The following PDE4B variants were observed in gnomAD, a reference collection of about 807,000 sequenced individuals.
The protein encoded by PDE4B is 3',5'-cyclic-AMP phosphodiesterase 4B.
In PDE4B, 20 loss-of-function variants were observed where a neutral mutation model predicts 82.2. The ratio of observed to expected loss-of-function variants is 0.24; its 90% CI spans 0.17 to 0.35. The LOEUF is 0.35. PDE4B is among the 10% of genes least tolerant of loss of function. The pLI is 1.00. For synonymous variants in PDE4B, 320 were observed against 318.9 expected (o/e 1.00, Z -0.04); for missense variants, 655 against 907.2 (o/e 0.72, Z 3.57).
intron 3 of PDE4B, among the ~76,000 whole-genome samples, chr1:66,132,462 C>T (rs74084632): frequency 0.017 from 2,521 of 152,104 alleles, 64 homozygotes; most frequent in African/African-American, 0.058. Context: ...GTTCGTGCTC[C>T]GTATTTTGTG....
intron 3 of PDE4B, among the ~76,000 whole-genome samples, chr1:66,215,976 C>T (rs1650423701): frequency 6.6e-6 from 1 of 151,896 alleles, no homozygotes. Context: ...GAATGTAGTT[C>T]CAAAACTGAA....
intron 3 of PDE4B, among the ~76,000 whole-genome samples, chr1:66,162,212 T>C (rs1000351279): frequency 5.4e-5 from 8 of 149,484 alleles, no homozygotes; most frequent in Non-Finnish European, 1.0e-4. Flanking sequence ...AGGGATGTTC[T>C]CCCTCCTCAC....
intron 3 of PDE4B, among the ~76,000 whole-genome samples, chr1:66,212,823 AAGG>A (rs1193390410): frequency 6.6e-6 from 1 of 152,194 alleles, no homozygotes; most frequent in Admixed American, 6.6e-5. Flanking sequence ...GCACAATAAC[AAGG>A]ATAAAGTGGA....
At position 65,832,956 on chromosome 1, in the gene PDE4B, G is replaced by A. The variant is rs151022230; in HGVS notation, c.-71+39708G>A. Reference sequence around the variant, plus strand: ...TCTACTCTTGAGCTCAGGGAATATAGCCCTTCTGTGCCTCTTCTTTAAAGT... The same window carrying A: ...TCTACTCTTGAGCTCAGGGAATATAACCCTTCTGTGCCTCTTCTTTAAAGT... On this transcript the variant is annotated intron_variant, in intron 1 of 16. Transcript: ENST00000341517. Among the ~76,000 whole-genome samples the A allele has an allele frequency of 2.0e-5, 3 of 152,302 alleles. No individual in the cohort carries two copies. The East Asian group carries it at 5.8e-4, about 29-fold the overall frequency.
At chr1:66,296,313 G>A (rs1157547765) in intron 7 of PDE4B, among the ~76,000 whole-genome samples, 12 of 152,174 alleles carry the variant, frequency 7.9e-5, no homozygotes, top group Non-Finnish European at 1.8e-4. Context: ...GCACGTGATA[G>A]GGAGTGGGCT....
chr1:65,848,651 G>A (rs1259625968), intron 1 of PDE4B, among the ~76,000 whole-genome samples: 1 of 152,070 alleles, frequency 6.6e-6, no homozygotes, highest in Non-Finnish European at 1.5e-5. Flanking sequence ...ATACTCTTTT[G>A]TGGCTGGCCT....
At position 66,039,463 on chromosome 1, in the gene PDE4B, C is replaced by A. The variant is rs561645158; in HGVS notation, c.281+120628C>A. ...TTATTCAGTTTCAGAATAATACATA[C>A]CAAAATATGTTGTGTTTTCCCATTC... is the stretch of plus-strand genomic sequence containing the variant. On this transcript the variant is annotated intron_variant, in intron 3 of 16. Coordinates refer to ENST00000341517, the MANE Select transcript of PDE4B (RefSeq NM_002600.4). 9.3e-4 allele frequency among the ~76,000 whole-genome samples: 141 copies of A among 152,066 alleles called. 1 individual carries two copies. Among genetic ancestry groups the A allele is most frequent in the African/African-American group, 3.3e-3 (135 of 41,520 alleles).
intron 3 of PDE4B, among the ~76,000 whole-genome samples, chr1:65,919,143 A>G (rs1647195323): frequency 6.6e-6 from 1 of 152,226 alleles, no homozygotes; most frequent in African/African-American, 2.4e-5. Context: ...AGAGCTATAC[A>G]GTGTGCATCA....
chr1:65,848,920 G>T (rs1646298326), intron 1 of PDE4B, among the ~76,000 whole-genome samples: 1 of 151,996 alleles, frequency 6.6e-6, no homozygotes, highest in African/African-American at 2.4e-5. Flanking sequence ...GTCCAATCAA[G>T]AGACAGGAAC....
intron 1 of PDE4B, among the ~76,000 whole-genome samples, chr1:65,833,101 AT>A (rs1346475612): frequency 1.3e-5 from 2 of 152,200 alleles, no homozygotes; most frequent in Non-Finnish European, 2.9e-5. Context: ...AGATTTAAGG[AT>A]GATTTGTTAC....
intron 9 of PDE4B, 97 bp downstream of exon 9, chr1:66,355,717 G>T: frequency 1.6e-6 from 1 of 607,588 alleles, no homozygotes; most frequent in Admixed American, 3.0e-5. Flanking sequence ...ATTTGGGATG[G>T]AGTTGAGTCA....
intron 3 of PDE4B, among the ~76,000 whole-genome samples, chr1:66,210,068 T>G (rs549462712): frequency 6.6e-6 from 1 of 152,354 alleles, no homozygotes; most frequent in South Asian, 2.1e-4. Context: ...GATTCTCTGA[T>G]TGTTCTTCAT....
intron 3 of PDE4B, among the ~76,000 whole-genome samples, chr1:65,927,306 G>A (rs189629674): frequency 6.6e-6 from 1 of 151,128 alleles, no homozygotes; most frequent in Admixed American, 6.6e-5. Flanking sequence ...TAGGGGTAAG[G>A]GAAATGAAAG....
intron 3 of PDE4B, among the ~76,000 whole-genome samples, chr1:66,241,129 A>G (rs753172868): frequency 1.7e-4 from 26 of 152,240 alleles, no homozygotes; most frequent in Admixed American, 3.3e-4. Flanking sequence ...TCGTCTTCCT[A>G]GTCTGTGGAA....
chr1:66,351,221 T>G lies in PDE4B; in HGVS notation c.748-4306T>G, dbSNP rs558563594. Among the ~76,000 whole-genome samples the G allele has an allele frequency of 4.6e-5, 7 of 152,356 alleles. No individual in the cohort carries two copies. In the South Asian group the frequency reaches 1.4e-3, roughly 32 times the overall value. On this transcript the variant is annotated intron_variant, in intron 8 of 16. Transcript: ENST00000341517. ...CCATTTCCTCTGGGGACATTATTTC[T>G]AGGTAGGCTGTAACAGGGTTTTCCT...
intron 1 of PDE4B, among the ~76,000 whole-genome samples, chr1:65,822,161 C>T (rs1210533290): frequency 6.6e-6 from 1 of 152,000 alleles, no homozygotes; most frequent in Non-Finnish European, 1.5e-5. Context: ...TAATCTATGA[C>T]CTGCCTTTTT....
chr1:66,183,786 T>C (rs1647122419), intron 3 of PDE4B, among the ~76,000 whole-genome samples: 1 of 152,202 alleles, frequency 6.6e-6, no homozygotes, highest in Admixed American at 6.6e-5. Context: ...ACATAAGATA[T>C]AGTTGTCAGT....
chr1:66,130,167 T>G (rs1645911268), intron 3 of PDE4B, among the ~76,000 whole-genome samples: 1 of 152,198 alleles, frequency 6.6e-6, no homozygotes, highest in Admixed American at 6.5e-5. Context: ...TGGATTGATT[T>G]GTGAAATGGC....
At chr1:65,894,440 T>C (rs1378904093) in intron 1 of PDE4B, among the ~76,000 whole-genome samples, 1 of 152,096 alleles carries the variant, frequency 6.6e-6, no homozygotes, top group Admixed American at 6.6e-5. Flanking sequence ...GAAGGAAATA[T>C]AGGAACATAA....
Sources: allele counts gnomAD v4.1 joint callset (sites outside exome capture counted in the v4.1 genomes callset), GRCh38; gene constraint gnomAD v4.1.1; transcripts MANE v1.5; gene names NCBI Gene and HGNC (gene_info 2026-07-23, HGNC 2026-07-21).